MT1B: variants seen among roughly 807,000 people sequenced by gnomAD.
The protein encoded by MT1B is metallothionein-1B.
MT1B carries 4 observed loss-of-function variants against 7.9 expected under a neutral mutation model. The observed-to-expected ratio is 0.51, with a 90% CI of 0.25 to 1.16. MT1B has a LOEUF of 1.16. MT1B is among the 50% of genes most tolerant of loss of function. The pLI is 0.15. For synonymous variants in MT1B, 22 were observed against 27.6 expected, an observed-to-expected ratio of 0.80 and a Z score of 0.63; for missense variants, 76 against 75.2, an observed-to-expected ratio of 1.01 and a Z score of -0.04.
In MT1B at chr16:56,653,114, C is replaced by T. The variant is rs761280985; in HGVS notation, c.*49C>T. The T allele has an allele frequency of 5.7e-6, 9 of 1,579,062 alleles. No homozygotes were observed. The highest frequency in any genetic ancestry group is 7.8e-6 in the Non-Finnish European group (9 of 1,160,294). On this transcript the variant is annotated 3_prime_UTR_variant, in exon 3 of 3. Transcript: ENST00000334346. ...ACATAAATAGAGCAACCAGTACTAACCTGGATTTTTTTTTTTAACTACCCT... is the reference window on the plus strand; with the variant it reads ...ACATAAATAGAGCAACCAGTACTAATCTGGATTTTTTTTTTTAACTACCCT...
intron 1 of MT1B, 146 bp from the exon 2 acceptor site, chr16:56,652,425 T>C (rs1454629431): frequency 6.2e-6 from 5 of 805,414 alleles, no homozygotes; most frequent in Non-Finnish European, 1.1e-5. Flanking sequence ...GGAGAGGACA[T>C]GGGGCTTCTG....
intron 1 of MT1B, 147 bp from the exon 2 acceptor site, chr16:56,652,424 A>T (rs1192729289): frequency 5.0e-6 from 4 of 799,214 alleles, no homozygotes; most frequent in Non-Finnish European, 8.5e-6. Context: ...TGGAGAGGAC[A>T]TGGGGCTTCT....
At chr16:56,652,901 C>T (rs568333073) in intron 2 of MT1B, 73 bp from the exon 3 acceptor site, 12 of 1,528,938 alleles carry the variant, frequency 7.8e-6, no homozygotes, top group Admixed American at 3.3e-5. Flanking sequence ...GAACTTCAGC[C>T]AGGCTTGCTG....
intron 1 of MT1B, 151 bp from the exon 2 acceptor site, chr16:56,652,419 AG>A: frequency 1.3e-6 from 1 of 763,146 alleles, no homozygotes; most frequent in South Asian, 1.6e-5. Flanking sequence ...CTGAGTGGAG[AG>A]GACATGGGGC....
intron 1 of MT1B, 60 bp downstream of exon 1, chr16:56,652,041 C>T (rs906214107): frequency 6.2e-7 from 1 of 1,601,818 alleles, no homozygotes; most frequent in African/African-American, 1.3e-5. Flanking sequence ...TACACAGTGT[C>T]CCTGGGTTAG....
rs1227003423 is a variant in MT1B at position 56,652,195 on chromosome 16, C to T, written c.28+214C>T. 2.6e-5 allele frequency among the ~76,000 whole-genome samples: 4 copies of T among 152,386 alleles called. No homozygotes were observed. In the East Asian group the frequency reaches 7.7e-4, roughly 29 times the overall value. ...GATTCTGAGGATCGAGGCTGTCCTG[C>T]TCCATGTCACCCACCTAGTCAGGGG... On this transcript the variant is annotated intron_variant, in intron 1 of 2. Coordinates refer to ENST00000334346, the MANE Select transcript of MT1B (RefSeq NM_005947.3).
chr16:56,651,905 C>G lies in MT1B; in HGVS notation c.-49C>G. 6.2e-7 allele frequency: 1 copy of G among 1,610,794 alleles called. No homozygotes were observed. Among genetic ancestry groups the G allele is most frequent in the Non-Finnish European group, 8.5e-7 (1 of 1,176,936 alleles). ...GGCTCCATCACACCTTCCTCCTGCC[C>G]TGACTTCTCATATCTTGCCTAGGAA... On this transcript the variant is annotated 5_prime_UTR_variant, in exon 1 of 3. Coordinates refer to ENST00000334346, the MANE Select transcript of MT1B (RefSeq NM_005947.3).
chr16:56,652,507 T>G (rs1211232560), intron 1 of MT1B, 64 bp from the exon 2 acceptor site: 1 of 1,487,582 alleles, frequency 6.7e-7, no homozygotes, highest in East Asian at 2.3e-5. Flanking sequence ...TGGACACTCA[T>G]GGACTCACTG....
chr16:56,652,310 CAG>C (rs879724589), intron 1 of MT1B, among the ~76,000 whole-genome samples: 18 of 152,212 alleles, frequency 1.2e-4, no homozygotes, highest in Non-Finnish European at 2.4e-4. Flanking sequence ...GAGTTCAACA[CAG>C]AAGGTTTTGG....
chr16:56,652,444 C>T (rs1435141242), intron 1 of MT1B, 127 bp from the exon 2 acceptor site: 8 of 941,246 alleles, frequency 8.5e-6, no homozygotes, highest in Non-Finnish European at 1.2e-5. Context: ...TGTTCCTCCG[C>T]TCTGAGTGGG....
chr16:56,652,530 C>T, intron 1 of MT1B, 41 bp from the exon 2 acceptor site: 1 of 1,590,744 alleles, frequency 6.3e-7, no homozygotes, highest in Non-Finnish European at 8.6e-7. Context: ...GTACCTTCTG[C>T]ATCTTACTCA....
chr16:56,652,055 A>G, intron 1 of MT1B, 74 bp downstream of exon 1: 1 of 1,578,538 alleles, frequency 6.3e-7, no homozygotes, highest in Non-Finnish European at 8.7e-7. Context: ...GGGTTAGAGA[A>G]GGTTGCATTA....
Position 56,652,990 on chromosome 16 carries a change from C to G in MT1B, c.111C>G (p.Cys37Trp). Residue 37 changes from cysteine (C) to tryptophan (W), a missense_variant, in exon 3 of 3, where the codon TGC becomes TGG. By Grantham distance (215) the Cys-to-Trp change is radical. Transcript: ENST00000334346. ...CTTCCCCAGGCTGCTGCTCTTGCTGCCCCGTGGGCTGTGCCAAGTGTGCCC... is the reference window on the plus strand; with the variant it reads ...CTTCCCCAGGCTGCTGCTCTTGCTGGCCCGTGGGCTGTGCCAAGTGTGCCC... ...TSCKKCCCSC[C>W]PVGCAKCAQG... is the part of the protein sequence containing the mutation. The G allele has an allele frequency of 1.9e-6, 3 of 1,613,340 alleles. No individual in the cohort carries two copies. The highest frequency in any genetic ancestry group is 2.5e-6 in the Non-Finnish European group (3 of 1,179,980).
chr16:56,653,119 AT>A lies in MT1B; in HGVS notation c.*65del, dbSNP rs35231457. 376,545 of 1,329,640 alleles carry A rather than the reference AT, an allele frequency of 0.28. 39,754 individuals are homozygous for A. Among genetic ancestry groups the A allele is most frequent in the East Asian group, 0.47 (18,355 of 38,648 alleles). The allele number at this position is 1,329,640 out of a possible 1,614,324, so 82.4% of individuals were successfully genotyped here. ...AATAGAGCAACCAGTACTAACCTGG[AT>A]TTTTTTTTTTAACTACCCTGACCGG... is the stretch of plus-strand genomic sequence containing the variant. On this transcript the variant is annotated 3_prime_UTR_variant, in exon 3 of 3. Transcript: ENST00000334346.
At position 56,652,493 on chromosome 16, in the gene MT1B, G is replaced by T. The variant is rs144380145; in HGVS notation, c.29-78G>T. 3.8e-4 allele frequency: 513 copies of T among 1,363,002 alleles called. 1 individual carries two copies. The African/African-American group carries it at 5.8e-3, about 16-fold the overall frequency. 84.4% of individuals were successfully genotyped at this position (1,363,002 alleles called of 1,614,324 possible). ...TGGCTGGCCCTGCACAGAGGATGGCGCACTGGACACTCATGGACTCACTGC... is the reference window on the plus strand; with the variant it reads ...TGGCTGGCCCTGCACAGAGGATGGCTCACTGGACACTCATGGACTCACTGC... On this transcript the variant is annotated intron_variant, in intron 1 of 2. Coordinates refer to ENST00000334346, the MANE Select transcript of MT1B (RefSeq NM_005947.3).
rs147691988 is a variant in MT1B at position 56,652,603 on chromosome 16, T to G, written c.61T>G (p.Cys21Gly). The G allele has an allele frequency of 4.3e-5, 69 of 1,613,876 alleles. No homozygotes were observed. In the African/African-American group the frequency reaches 6.8e-4, roughly 16 times the overall value. The change falls in exon 2 of 3, where the codon TGC becomes GGC. Residue 21 changes from cysteine to glycine, a missense_variant. Coordinates refer to ENST00000334346, the MANE Select transcript of MT1B (RefSeq NM_005947.3). ...CTGTGCCTGCGCCGGCTCCTGCAAGTGCAAAGAGTGCAAATGTACCTCCTG... is the reference window on the plus strand; with the variant it reads ...CTGTGCCTGCGCCGGCTCCTGCAAGGGCAAAGAGTGCAAATGTACCTCCTG... ...GSCACAGSCK[C>G]KECKCTSCKK...
chr16:56,652,187 C>T (rs1960562447), intron 1 of MT1B, among the ~76,000 whole-genome samples: 1 of 152,262 alleles, frequency 6.6e-6, no homozygotes, highest in Non-Finnish European at 1.5e-5. Context: ...AGGATCGAGG[C>T]TGTCCTGCTC....
chr16:56,652,211 T>A (rs1254998669), intron 1 of MT1B, among the ~76,000 whole-genome samples: 5 of 152,236 alleles, frequency 3.3e-5, no homozygotes, highest in African/African-American at 1.2e-4. Flanking sequence ...GTCACCCACC[T>A]AGTCAGGGGG....
At chr16:56,652,857 C>A (rs1323330308) in intron 2 of MT1B, 117 bp from the exon 3 acceptor site, 1 of 1,289,672 alleles carries the variant, frequency 7.8e-7, no homozygotes, top group East Asian at 2.3e-5. Flanking sequence ...ACAGCTGTGC[C>A]AGCCTAAAAA....
Sources: allele counts gnomAD v4.1 joint callset (sites outside exome capture counted in the v4.1 genomes callset), GRCh38; gene constraint gnomAD v4.1.1; transcripts MANE v1.5; gene names NCBI Gene and HGNC (gene_info 2026-07-23, HGNC 2026-07-21).